Variants in PDC observed in about 807,000 individuals in gnomAD.
The protein encoded by PDC is 33 kDa phototransducing protein.
In PDC, 19 loss-of-function variants were observed where a neutral mutation model predicts 22.2. The ratio of observed to expected loss-of-function variants is 0.86; its 90% CI spans 0.60 to 1.26. The LOEUF (loss-of-function observed/expected upper bound fraction) is 1.26, where lower values mean the gene tolerates loss of function less well. Among genes scored for constraint, PDC ranks in the 50% most tolerant of loss-of-function variants. The pLI, the probability that PDC is intolerant of heterozygous loss-of-function variation, is 0.00. For synonymous variants in PDC, 97 were observed against 96.2 expected (o/e 1.01, Z -0.05); for missense variants, 274 against 286.8 (o/e 0.96, Z 0.32).
At chr1:186,452,976 TA>T (rs1662382457) in intron 1 of PDC, among the ~76,000 whole-genome samples, 1 of 152,206 alleles carries the variant, frequency 6.6e-6, no homozygotes, top group African/African-American at 2.4e-5. Flanking sequence ...CTGTGTTAAG[TA>T]AAAATTGTAT....
chr1:186,447,302 C>A (rs374544266), intron 2 of PDC, among the ~76,000 whole-genome samples: 2 of 152,162 alleles, frequency 1.3e-5, no homozygotes, highest in East Asian at 3.9e-4. Flanking sequence ...GCGCATACCA[C>A]CACGCCTGGC....
chr1:186,459,752 G>GTA (rs56927589), intron 1 of PDC, among the ~76,000 whole-genome samples: 2,077 of 112,012 alleles, frequency 0.019, 34 homozygotes, highest in South Asian at 0.033. Flanking sequence ...GTGTGTGTGT[G>GTA]TATATATATA....
intron 2 of PDC, chr1:186,448,639 T>C (rs979743847): frequency 2.0e-4 from 181 of 893,178 alleles, no homozygotes; most frequent in Non-Finnish European, 2.4e-4. Flanking sequence ...TTTTCTTCAA[T>C]GGTCTTTTTG....
Position 186,444,070 on chromosome 1 carries a change from A to G in PDC, c.650T>C (p.Val217Ala). 1 of 1,613,656 alleles carries G rather than the reference A, an allele frequency of 6.2e-7. No individual in the cohort carries two copies. Among genetic ancestry groups the G allele is most frequent in the East Asian group, 2.2e-5 (1 of 44,864 alleles). ...CCCATATTCATTTAGGAAAGACTCC[A>G]CATCCCCAGCAAAAAATTCTTCAGC... ...QFAEEFFAGD[V>A]ESFLNEYGLL... is the part of the protein sequence containing the mutation. Residue 217 changes from valine (V) to alanine (A), a missense_variant, in exon 4 of 4, where the codon GTG (valine) becomes GCG (alanine). Physicochemically the swap from Val to Ala is moderately conservative, Grantham distance 64. Coordinates refer to ENST00000391997, the MANE Select transcript of PDC (RefSeq NM_002597.5).
intron 1 of PDC, among the ~76,000 whole-genome samples, chr1:186,459,965 A>G (rs1016798667): frequency 1.3e-5 from 2 of 151,286 alleles, no homozygotes; most frequent in Non-Finnish European, 1.5e-5. Context: ...TGAATTTAAG[A>G]AATATCAACA....
intron 1 of PDC, among the ~76,000 whole-genome samples, chr1:186,457,062 A>G (rs1662487279): frequency 6.6e-6 from 1 of 152,004 alleles, no homozygotes; most frequent in Non-Finnish European, 1.5e-5. Context: ...ACTTTTCTCT[A>G]CCTCTAACCA....
At chr1:186,447,477 A>G (rs1430668612) in intron 2 of PDC, among the ~76,000 whole-genome samples, 1 of 152,178 alleles carries the variant, frequency 6.6e-6, no homozygotes, top group Non-Finnish European at 1.5e-5. Flanking sequence ...AAAACTAATT[A>G]AATGAAGGAT....
intron 1 of PDC, among the ~76,000 whole-genome samples, chr1:186,457,872 T>TC (rs1343416619): frequency 2.0e-5 from 3 of 151,876 alleles, no homozygotes; most frequent in Admixed American, 2.0e-4. Flanking sequence ...ATGCCTGACT[T>TC]CCCCCCACTC....
intron 1 of PDC, among the ~76,000 whole-genome samples, chr1:186,455,421 C>T (rs1280005493): frequency 6.6e-6 from 1 of 152,156 alleles, no homozygotes; most frequent in African/African-American, 2.4e-5. Context: ...CTGGTTCTGA[C>T]TTTTGCAAAG....
In PDC at chr1:186,449,470, G is replaced by A; in HGVS notation, c.-11C>T. ...TTTGGCTTCTTCCATTTTAGGGACT[G>A]GATTTGATATAATCTATAGGAGGAA... On this transcript the variant is annotated 5_prime_UTR_variant, in exon 2 of 4. Transcript: ENST00000391997. 1.3e-6 allele frequency: 2 copies of A among 1,556,972 alleles called. No individual in the cohort carries two copies. Among genetic ancestry groups the A allele is most frequent in the Non-Finnish European group, 1.8e-6 (2 of 1,131,622 alleles).
rs776292104 is a variant in PDC, at chr1:186,443,968, A to T, written c.*11T>A. ...TAAAGGATAAACATGAGATATTGAC[A>T]TAGTGAATCTTCATTCAACATCTTC... On this transcript the variant is annotated 3_prime_UTR_variant, in exon 4 of 4. Coordinates refer to ENST00000391997, the MANE Select transcript of PDC (RefSeq NM_002597.5). The T allele has an allele frequency of 7.0e-6, 11 of 1,579,468 alleles. No homozygotes were observed. The Admixed American group carries it at 1.9e-4, about 27-fold the overall frequency.
At chr1:186,455,903 C>T (rs1033236205) in intron 1 of PDC, among the ~76,000 whole-genome samples, 3 of 126,310 alleles carry the variant, frequency 2.4e-5, no homozygotes, top group South Asian at 2.7e-4. Context: ...ACCTGGGAGG[C>T]GGAGTTTGCA....
intron 1 of PDC, among the ~76,000 whole-genome samples, chr1:186,456,527 C>T (rs1355090247): frequency 2.0e-5 from 3 of 152,106 alleles, no homozygotes; most frequent in South Asian, 2.1e-4. Flanking sequence ...ATCTATTTAC[C>T]TATAGCATAC....
chr1:186,453,499 G>T (rs1662394084), intron 1 of PDC, among the ~76,000 whole-genome samples: 1 of 152,144 alleles, frequency 6.6e-6, no homozygotes, highest in Non-Finnish European at 1.5e-5. Flanking sequence ...GAAGAGCTTA[G>T]CTTTCAAGAC....
At chr1:186,457,927 T>C (rs554365667) in intron 1 of PDC, among the ~76,000 whole-genome samples, 24 of 152,202 alleles carry the variant, frequency 1.6e-4, no homozygotes, top group Non-Finnish European at 2.9e-4. Flanking sequence ...AGAAAAACTA[T>C]GATAGAAATT....
At chr1:186,452,239 A>AT (rs909717470) in intron 1 of PDC, among the ~76,000 whole-genome samples, 45 of 151,514 alleles carry the variant, frequency 3.0e-4, no homozygotes, top group Admixed American at 1.8e-3. Context: ...CATACAATTA[A>AT]TTTTTTTTTG....
intron 3 of PDC, among the ~76,000 whole-genome samples, chr1:186,445,606 C>T (rs1022110473): frequency 8.6e-5 from 13 of 152,032 alleles, no homozygotes; most frequent in African/African-American, 1.2e-4. Context: ...ATTGTTTGAG[C>T]CCAGGAGAAC....
At chr1:186,454,625 G>A (rs756877757) in intron 1 of PDC, among the ~76,000 whole-genome samples, 36 of 152,182 alleles carry the variant, frequency 2.4e-4, no homozygotes, top group Non-Finnish European at 4.9e-4. Context: ...AAAAGCAAGT[G>A]TAATATGCAG....
intron 1 of PDC, among the ~76,000 whole-genome samples, chr1:186,459,259 A>C (rs1662530009): frequency 6.6e-6 from 1 of 151,530 alleles, no homozygotes; most frequent in Admixed American, 6.6e-5. Context: ...TGCAGATCTG[A>C]AGTGGGACCC....
Sources: gnomAD v4.1 joint callset for allele counts (sites outside exome capture counted in the v4.1 genomes callset) on GRCh38, gnomAD v4.1.1 for gene constraint, MANE v1.5 for transcripts, NCBI Gene and HGNC (gene_info 2026-07-23, HGNC 2026-07-21) for gene names.